GNL3L: variants seen among roughly 807,000 people sequenced by gnomAD.
GNL3L encodes the protein guanine nucleotide-binding protein-like 3-like protein.
A neutral mutation model predicts 42.9 loss-of-function variants in GNL3L; 4 were observed. That is an observed-to-expected ratio of 0.09 (90% CI 0.05 to 0.21). The LOEUF (loss-of-function observed/expected upper bound fraction) is 0.21. Ranked by LOEUF, GNL3L falls within the 10% of genes least tolerant of loss-of-function variation. GNL3L has a pLI of 1.00. For synonymous variants in GNL3L, 159 were observed against 176.3 expected, an observed-to-expected ratio of 0.90 and a Z score of 0.78; for missense variants, 412 against 481.7, an observed-to-expected ratio of 0.86 and a Z score of 1.36.
chrX:54,554,597 G>A lies in GNL3L; in HGVS notation c.1351G>A (p.Gly451Ser). 1 of 1,203,354 alleles carries A rather than the reference G, an allele frequency of 8.3e-7. No homozygotes were observed. The highest frequency in any genetic ancestry group is 1.8e-5 in the South Asian group (1 of 56,676). The change falls in exon 14 of 16, where the codon GGT becomes AGT. Residue 451 changes from glycine (G) to serine (S), a missense_variant. By Grantham distance (56) the Gly-to-Ser change is moderately conservative. Coordinates refer to ENST00000360845, the MANE Select transcript of GNL3L (RefSeq NM_001184819.2). Reference protein sequence around the residue: ...LATGESDELLGDTDPLEMEIK... With the variant: ...LATGESDELLSDTDPLEMEIK... The stretch of plus-strand genomic sequence containing the variant: ...CACCGGAGAATCTGATGAGCTGTTG[G>A]GTGACACGGACCCACTTGAAATGGA...
intron 16 of GNL3L, among the ~76,000 whole-genome samples, chrX:54,597,505 G>T (rs1189819973): frequency 9.0e-6 from 1 of 111,201 alleles, no homozygotes; most frequent in African/African-American, 3.3e-5. Context: ...GCAGCCTGGG[G>T]TGAGGGGAGG....
rs1282013823 is a variant in GNL3L, at chrX:54,541,187, C to T, written c.190-86C>T. 28 of 594,934 alleles carry T rather than the reference C, an allele frequency of 4.7e-5. No individual in the cohort carries two copies. The South Asian group carries it at 4.9e-4, about 10-fold the overall frequency. 49.0% of individuals were successfully genotyped at this position (594,934 alleles called of 1,213,427 possible). On this transcript the variant is annotated intron_variant, in intron 4 of 15. Transcript: ENST00000360845. Reference sequence around the variant, plus strand: ...CCTGCTCCTGCCACCTCTGCCATGTCGCACCATTTCCTCTGTCTGTCACCC... The same window carrying T: ...CCTGCTCCTGCCACCTCTGCCATGTTGCACCATTTCCTCTGTCTGTCACCC...
chrX:54,627,298 T>C, the GNL3L span, among the ~76,000 whole-genome samples: 5 of 112,105 alleles, frequency 4.5e-5, no homozygotes, highest in Non-Finnish European at 9.4e-5. Context: ...TGTGAGCCAC[T>C]GTGGCCAGCA....
chrX:54,606,739 CA>C (rs1926066611), intron 16 of GNL3L, among the ~76,000 whole-genome samples: 1 of 107,556 alleles, frequency 9.3e-6, no homozygotes, highest in South Asian at 4.2e-4. Flanking sequence ...CTCCTGGGCT[CA>C]AGTGATCCTT....
Position 54,548,007 on chromosome X carries a change from G to T in GNL3L, c.631-222G>T, listed in dbSNP as rs1924821517. Among the ~76,000 whole-genome samples, 3 of 111,949 alleles carry T rather than the reference G, an allele frequency of 2.7e-5. No individual in the cohort carries two copies. The Admixed American group carries it at 2.8e-4, about 11-fold the overall frequency. ...ATCCTGCCACTGCCGAGGGAGGCAAGTGACATGTGTCGAAGCAGACGCAGG... is the reference window on the plus strand; with the variant it reads ...ATCCTGCCACTGCCGAGGGAGGCAATTGACATGTGTCGAAGCAGACGCAGG... On this transcript the variant is annotated intron_variant, in intron 8 of 15. Coordinates refer to ENST00000360845, the MANE Select transcript of GNL3L (RefSeq NM_001184819.2).
intron 16 of GNL3L, among the ~76,000 whole-genome samples, chrX:54,603,082 G>A (rs186712655): frequency 6.2e-5 from 7 of 112,021 alleles, no homozygotes; most frequent in Non-Finnish European, 1.3e-4. Flanking sequence ...AGAACATCTT[G>A]CTGTGTCAGA....
intron 16 of GNL3L, among the ~76,000 whole-genome samples, chrX:54,614,078 C>T (rs924278495): frequency 4.5e-5 from 5 of 110,511 alleles, no homozygotes; most frequent in Non-Finnish European, 7.6e-5. Flanking sequence ...AGCTCACACT[C>T]TCCTTGGGTG....
In GNL3L at chrX:54,563,480, T is replaced by G. The variant is rs1001899280; in HGVS notation, c.*2878T>G. On this transcript the variant is annotated 3_prime_UTR_variant, in exon 16 of 16. Coordinates refer to ENST00000360845, the MANE Select transcript of GNL3L (RefSeq NM_001184819.2). ...ATCAAACAGAACTAAAGTAGTCATGTCGGTAAGAATTTGGGACTGCAGGCC... is the reference window on the plus strand; with the variant it reads ...ATCAAACAGAACTAAAGTAGTCATGGCGGTAAGAATTTGGGACTGCAGGCC... Among the ~76,000 whole-genome samples, 1 of 111,508 alleles carries G rather than the reference T, an allele frequency of 9.0e-6. No individual in the cohort carries two copies. Among genetic ancestry groups the G allele is most frequent in the Non-Finnish European group, 1.9e-5 (1 of 53,145 alleles).
Position 54,560,589 on chromosome X carries a change from G to A in GNL3L, c.1736G>A (p.Gly579Asp). The A allele has an allele frequency of 8.8e-7, 1 of 1,136,207 alleles. No homozygotes were observed. The allele number at this position is 1,136,207 out of a possible 1,213,427, so 93.6% of individuals were successfully genotyped here. A position where few individuals can be genotyped will look rare whatever the true frequency, so the allele number is the denominator to read the frequency against. The change falls in exon 16 of 16, where the codon GGT becomes GAT. Residue 579 changes from glycine (G) to aspartate (D), a missense_variant. Transcript: ENST00000360845. ...ALDLSGNADD[G>D]VGD ...GACCTCTCTGGCAATGCTGATGATG[G>A]TGTTGGTGACTAATCGACTGATCTC...
At position 54,550,909 on chromosome X, in the gene GNL3L, C is replaced by T; in HGVS notation, c.776-54C>T. ...CTAGGCCTCCCTCACACAGGCTGGC[C>T]TGAGTGTTCCTGAGGGCCTCTTCTG... On this transcript the variant is annotated intron_variant, in intron 9 of 15. Transcript: ENST00000360845. 7.4e-6 allele frequency: 5 copies of T among 673,311 alleles called. No individual in the cohort carries two copies. The South Asian group carries it at 1.1e-4, about 15-fold the overall frequency. The allele number at this position is 673,311 out of a possible 1,213,427, so 55.5% of individuals were successfully genotyped here. A position where few individuals can be genotyped will look rare whatever the true frequency, so the allele number is the denominator to read the frequency against.
At chrX:54,551,540 A>G in intron 10 of GNL3L, 28 bp from the exon 11 acceptor site, 2 of 1,194,698 alleles carry the variant, frequency 1.7e-6, no homozygotes, top group Non-Finnish European at 2.3e-6. Context: ...TGCCAGGTAC[A>G]TCTGGGCTTT....
chrX:54,612,939 G>A (rs1739257055), intron 16 of GNL3L, among the ~76,000 whole-genome samples: 1 of 111,723 alleles, frequency 9.0e-6, no homozygotes, highest in Non-Finnish European at 1.9e-5. Flanking sequence ...AATTTTCCAG[G>A]TATTCTTTGT....
chrX:54,556,307 G>A (rs1295152878), intron 14 of GNL3L, among the ~76,000 whole-genome samples: 1 of 110,114 alleles, frequency 9.1e-6, no homozygotes, highest in Non-Finnish European at 1.9e-5. Context: ...GCAGGAAGAC[G>A]AATGAACACA....
intron 16 of GNL3L, among the ~76,000 whole-genome samples, chrX:54,607,066 T>TTCC (rs1926091376): frequency 1.8e-5 from 1 of 56,393 alleles, no homozygotes; most frequent in African/African-American, 1.1e-4. Context: ...CTTTCTTTCT[T>TTCC]TCTTTCTCTT....
At chrX:54,557,070 T>C (rs757520558) in intron 14 of GNL3L, among the ~76,000 whole-genome samples, 1 of 108,504 alleles carries the variant, frequency 9.2e-6, no homozygotes, top group East Asian at 3.0e-4. Context: ...TAATCTCAGC[T>C]ACTCGAGAGG....
chrX:54,635,412 C>T, the GNL3L span, among the ~76,000 whole-genome samples: 3 of 111,943 alleles, frequency 2.7e-5, no homozygotes, highest in Admixed American at 2.8e-4. Flanking sequence ...TGGACTTCCT[C>T]AGGAATAGTT....
rs1232271458 is a variant in GNL3L at position 54,550,957 on chromosome X, T to C, written c.776-6T>C. 9.7e-7 allele frequency: 1 copy of C among 1,036,182 alleles called. No homozygotes were observed. Among genetic ancestry groups the C allele is most frequent in the South Asian group, 1.9e-5 (1 of 53,114 alleles). 85.4% of individuals were successfully genotyped at this position (1,036,182 alleles called of 1,213,427 possible). A position where few individuals can be genotyped will look rare whatever the true frequency, so the allele number is the denominator to read the frequency against. ...CTGCCCTGAGCCATCTGCTGCTATT[T>C]TGTAGGTCTTCCCAATGTTGGGAAG... On this transcript the variant is annotated splice_region_variant and splice_polypyrimidine_tract_variant and intron_variant, in intron 9 of 15. Coordinates refer to ENST00000360845, the MANE Select transcript of GNL3L (RefSeq NM_001184819.2).
chrX:54,549,758 C>T (rs556830836), intron 9 of GNL3L, among the ~76,000 whole-genome samples: 4 of 112,022 alleles, frequency 3.6e-5, no homozygotes, highest in South Asian at 3.7e-4. Context: ...ACACTTTGAC[C>T]CTCGAACATA....
chrX:54,594,125 C>T (rs1235608854), intron 16 of GNL3L, among the ~76,000 whole-genome samples: 1 of 111,326 alleles, frequency 9.0e-6, no homozygotes, highest in Non-Finnish European at 1.9e-5. Context: ...TCCATTTATT[C>T]TATACTGTAG....
Sources: allele counts gnomAD v4.1 joint callset (sites outside exome capture counted in the v4.1 genomes callset), GRCh38; gene constraint gnomAD v4.1.1; transcripts MANE v1.5; gene names NCBI Gene and HGNC (gene_info 2026-07-23, HGNC 2026-07-21).